The following DLGAP2 variants were observed in gnomAD, a reference collection of about 807,000 sequenced individuals.
DLGAP2 encodes the protein DLG associated protein 2, also known as disks large-associated protein 2.
In DLGAP2, 26 loss-of-function variants were observed where a neutral mutation model predicts 100.3. That is an observed-to-expected ratio of 0.26 (90% CI 0.19 to 0.36). DLGAP2 has a LOEUF of 0.36. Among genes scored for constraint, DLGAP2 ranks in the 10% least tolerant of loss-of-function variants. The pLI is 1.00. For missense variants in DLGAP2, 1,858 were observed against 1,453.2 expected (o/e 1.28, Z -4.53); for synonymous variants, 886 against 630.1 (o/e 1.41, Z -6.08).
chr8:835,886 C>G (rs1054306265), intron 1 of DLGAP2, among the ~76,000 whole-genome samples: 3 of 152,188 alleles, frequency 2.0e-5, no homozygotes, highest in African/African-American at 7.2e-5. Flanking sequence ...GAACTGCTTT[C>G]CTGTTACGCT....
intron 1 of DLGAP2, among the ~76,000 whole-genome samples, chr8:796,131 A>G (rs1304907991): frequency 6.6e-6 from 1 of 151,794 alleles, no homozygotes; most frequent in African/African-American, 2.4e-5. Context: ...GCAGCTGTCC[A>G]GTGAGAGCAG....
At chr8:787,318 T>C (rs1042783253) in intron 1 of DLGAP2, among the ~76,000 whole-genome samples, 7 of 152,232 alleles carry the variant, frequency 4.6e-5, no homozygotes, top group Non-Finnish European at 1.5e-5. Context: ...ACTGACGTTC[T>C]GTGATGCTGA....
At chr8:1,407,015 A>T (rs9694618) in intron 3 of DLGAP2, among the ~76,000 whole-genome samples, 19 of 27,568 alleles carry the variant, frequency 6.9e-4, no homozygotes, top group Non-Finnish European at 9.8e-4. Context: ...CTTGTCCTCC[A>T]GAGTCGTGTA....
intron 3 of DLGAP2, among the ~76,000 whole-genome samples, chr8:1,498,352 C>T (rs999815293): frequency 6.7e-6 from 1 of 150,282 alleles, no homozygotes; most frequent in East Asian, 1.9e-4. Flanking sequence ...GATTTTCCTG[C>T]ACTATTTCAA....
intron 8 of DLGAP2, among the ~76,000 whole-genome samples, chr8:1,648,016 C>T (rs1313352551): frequency 2.0e-5 from 3 of 152,226 alleles, no homozygotes; most frequent in African/African-American, 4.8e-5. Flanking sequence ...ATCTCTTCCA[C>T]ATTTCATGTC....
At chr8:1,327,123 T>C (rs1051071921) in intron 3 of DLGAP2, among the ~76,000 whole-genome samples, 5 of 152,246 alleles carry the variant, frequency 3.3e-5, no homozygotes, top group Non-Finnish European at 7.3e-5. Context: ...GGAGCCTGCC[T>C]TCCATCCTCC....
At chr8:882,889 G>A (rs571574182) in intron 1 of DLGAP2, among the ~76,000 whole-genome samples, 16 of 152,370 alleles carry the variant, frequency 1.1e-4, no homozygotes, top group South Asian at 8.3e-4. Context: ...ACGCTGCGAC[G>A]TTGTTTTGTT....
chr8:946,193 A>G lies in DLGAP2; in HGVS notation c.73+38227A>G, dbSNP rs376736245. Among the ~76,000 whole-genome samples the G allele has an allele frequency of 2.6e-5, 4 of 151,404 alleles. No individual in the cohort carries two copies. The East Asian group carries it at 5.9e-4, about 22-fold the overall frequency. On this transcript the variant is annotated intron_variant, in intron 2 of 14. Transcript: ENST00000637795. ...CCCAGGGAGTCACACATTGATTGTC[A>G]TCTGATCTCCTGGGATGTGTATTGG... is the stretch of plus-strand genomic sequence containing the variant.
At chr8:1,640,535 G>A (rs1158830071) in intron 8 of DLGAP2, among the ~76,000 whole-genome samples, 1 of 152,156 alleles carries the variant, frequency 6.6e-6, no homozygotes, top group Non-Finnish European at 1.5e-5. Context: ...ATCCCCATTA[G>A]AACGTCTCAG....
intron 2 of DLGAP2, among the ~76,000 whole-genome samples, chr8:1,050,100 A>T (rs1802635660): frequency 1.3e-5 from 2 of 152,256 alleles, no homozygotes; most frequent in African/African-American, 4.8e-5. Flanking sequence ...ACACATACAT[A>T]TGTGTTCACG....
At chr8:1,554,278 A>G (rs1178720621) in intron 5 of DLGAP2, among the ~76,000 whole-genome samples, 1 of 149,720 alleles carries the variant, frequency 6.7e-6, no homozygotes, top group African/African-American at 2.5e-5. Context: ...ACAGAGCAAG[A>G]CTCCATCTCT....
At chr8:769,476 A>G (rs1821301377) in intron 1 of DLGAP2, among the ~76,000 whole-genome samples, 1 of 152,146 alleles carries the variant, frequency 6.6e-6, no homozygotes, top group African/African-American at 2.4e-5. Context: ...AAATGAAACA[A>G]TAGAGAATCC....
intron 3 of DLGAP2, among the ~76,000 whole-genome samples, chr8:1,444,693 G>A (rs528073141): frequency 1.3e-5 from 2 of 150,880 alleles, no homozygotes; most frequent in East Asian, 3.9e-4. Context: ...GTCACCATCT[G>A]CAGTCCCCTT....
intron 2 of DLGAP2, among the ~76,000 whole-genome samples, chr8:1,026,113 G>T (rs999354333): frequency 6.6e-6 from 1 of 152,226 alleles, no homozygotes; most frequent in Admixed American, 6.5e-5. Flanking sequence ...TCAGCTGCCA[G>T]TCTGGCGTCC....
At chr8:1,097,913 T>A (rs1256591985) in intron 2 of DLGAP2, among the ~76,000 whole-genome samples, 1 of 152,038 alleles carries the variant, frequency 6.6e-6, no homozygotes, top group African/African-American at 2.4e-5. Flanking sequence ...CTCAGGAGAG[T>A]CGAGCTGGGA....
At chr8:913,954 C>T (rs373535689) in intron 2 of DLGAP2, among the ~76,000 whole-genome samples, 1 of 152,128 alleles carries the variant, frequency 6.6e-6, no homozygotes, top group East Asian at 1.9e-4. Context: ...GACGGGTTTG[C>T]TGCCACAATA....
At chr8:1,448,780 G>T (rs1374457369) in intron 3 of DLGAP2, among the ~76,000 whole-genome samples, 2 of 152,086 alleles carry the variant, frequency 1.3e-5, no homozygotes, top group Non-Finnish European at 2.9e-5. Flanking sequence ...TCCCCTCACT[G>T]CGTGCAAAAA....
chr8:1,563,898 T>C (rs1021851001), intron 5 of DLGAP2, among the ~76,000 whole-genome samples: 8 of 152,142 alleles, frequency 5.3e-5, no homozygotes, highest in Non-Finnish European at 8.8e-5. Flanking sequence ...TCTGATGATA[T>C]AAGTAGTATA....
At chr8:895,554 A>T (rs4236862) in intron 1 of DLGAP2, among the ~76,000 whole-genome samples, 7 of 152,116 alleles carry the variant, frequency 4.6e-5, no homozygotes, top group African/African-American at 7.2e-5. Context: ...AGTGGTAGCT[A>T]GAGCCACATT....
Sources: gnomAD v4.1 joint callset for allele counts (sites outside exome capture counted in the v4.1 genomes callset) on GRCh38, gnomAD v4.1.1 for gene constraint, MANE v1.5 for transcripts, NCBI Gene and HGNC (gene_info 2026-07-23, HGNC 2026-07-21) for gene names.